Variants in ZNF251 observed in about 807,000 individuals in gnomAD.
ZNF251 encodes zinc finger protein 251.
In ZNF251, 14 loss-of-function variants were observed where a neutral mutation model predicts 13.5. The ratio of observed to expected loss-of-function variants is 1.04; its 90% confidence interval spans 0.69 to 1.63. The LOEUF (loss-of-function observed/expected upper bound fraction) is 1.63. Ranked by LOEUF, ZNF251 falls within the 40% of genes most tolerant of loss-of-function variation. The probability of loss-of-function intolerance (pLI) is 0.00; values close to 1 mark genes in which losing one functional copy is unlikely to be tolerated. For synonymous variants in ZNF251, 287 were observed against 295.2 expected, an observed-to-expected ratio of 0.97 and a Z score of 0.28; for missense variants, 764 against 834.9, an observed-to-expected ratio of 0.92 and a Z score of 1.05.
chr8:144,730,662 A>G (rs1055098091), intron 4 of ZNF251, among the ~76,000 whole-genome samples: 1 of 152,220 alleles, frequency 6.6e-6, no homozygotes, highest in Non-Finnish European at 1.5e-5. Context: ...GCCTGGATAC[A>G]AAGTCCACAT....
At position 144,722,572 on chromosome 8, in the gene ZNF251, C is replaced by CT; in HGVS notation, c.1087dup (p.Ser363LysfsTer6). On this transcript the variant is annotated frameshift_variant, in exon 5 of 5. Coordinates refer to ENST00000292562, the MANE Select transcript of ZNF251 (RefSeq NM_138367.2). LOFTEE classifies it low-confidence loss of function (END_TRUNC). This position sits in a 1 kb window ranked among gnomAD's most constrained non-coding sequence, Gnocchi z 4.8. ...GTGAATTCTCTCATGCTGAATAAGG[C>CT]TGGAGCTTCGACTGAAGGCCTTCCC... is the stretch of plus-strand genomic sequence containing the variant. 1.2e-6 allele frequency: 2 copies of CT among 1,613,214 alleles called. No individual in the cohort carries two copies. Among genetic ancestry groups the CT allele is most frequent in the Non-Finnish European group, 1.7e-6 (2 of 1,179,780 alleles).
intron 4 of ZNF251, among the ~76,000 whole-genome samples, chr8:144,749,865 TTTTTC>T (rs1348383563): frequency 1.3e-4 from 19 of 146,696 alleles, no homozygotes; most frequent in African/African-American, 3.4e-4. Context: ...TTAAAATTTC[TTTTTC>T]TTTTCTTTTT....
chr8:144,731,470 TTTATA>T (rs1372653775), intron 4 of ZNF251, among the ~76,000 whole-genome samples: 1 of 152,250 alleles, frequency 6.6e-6, no homozygotes, highest in African/African-American at 2.4e-5. Context: ...GTGCATTTCA[TTTATA>T]TAATTTTCAC....
At chr8:144,740,318 CAAAATG>C (rs1436635948) in intron 4 of ZNF251, among the ~76,000 whole-genome samples, 1 of 151,440 alleles carries the variant, frequency 6.6e-6, no homozygotes, top group Admixed American at 6.6e-5. Context: ...TACAAACAAG[CAAAATG>C]AAGTTTTGTT....
intron 4 of ZNF251, among the ~76,000 whole-genome samples, chr8:144,751,974 T>C (rs1226197437): frequency 6.6e-6 from 1 of 152,100 alleles, no homozygotes; most frequent in Non-Finnish European, 1.5e-5. Flanking sequence ...GGAATTCTCT[T>C]ATCTCTCATA....
At chr8:144,746,580 A>G (rs1824440944) in intron 4 of ZNF251, among the ~76,000 whole-genome samples, 2 of 152,146 alleles carry the variant, frequency 1.3e-5, no homozygotes, top group Admixed American at 1.3e-4. Context: ...TCTTCCTTAA[A>G]TGTTTGGTAG....
chr8:144,748,185 T>C (rs996160161), intron 4 of ZNF251, among the ~76,000 whole-genome samples: 1 of 151,932 alleles, frequency 6.6e-6, no homozygotes, highest in African/African-American at 2.4e-5. Flanking sequence ...GTGATTCTCC[T>C]GTCTTAGTCT....
chr8:144,739,160 G>A (rs1479299881), intron 4 of ZNF251, among the ~76,000 whole-genome samples: 1 of 149,776 alleles, frequency 6.7e-6, no homozygotes, highest in African/African-American at 2.5e-5. Flanking sequence ...CACAAATCAC[G>A]ACTCCACTCC....
intron 4 of ZNF251, chr8:144,738,572 CCAAT>C: frequency 1.0e-6 from 1 of 985,454 alleles, no homozygotes. Flanking sequence ...TGTTGGAGGA[CCAAT>C]CAGTCAAATT....
intron 4 of ZNF251, among the ~76,000 whole-genome samples, chr8:144,750,821 G>A (rs1285586155): frequency 1.4e-5 from 2 of 145,872 alleles, no homozygotes; most frequent in Non-Finnish European, 3.0e-5. Context: ...GTGATTCTTT[G>A]TATCTGCCTG....
At chr8:144,727,519 T>C (rs1823552868) in intron 4 of ZNF251, among the ~76,000 whole-genome samples, 1 of 152,258 alleles carries the variant, frequency 6.6e-6, no homozygotes, top group Non-Finnish European at 1.5e-5. Flanking sequence ...CTTGTGCTTT[T>C]GTTATGGAGA....
Position 144,734,556 on chromosome 8 carries a change from C to T in ZNF251, c.278-11174G>A, listed in dbSNP as rs1040111166. Among the ~76,000 whole-genome samples the T allele has an allele frequency of 6.6e-6, 1 of 152,166 alleles. No homozygotes were observed. The highest frequency in any genetic ancestry group is 2.4e-5 in the African/African-American group (1 of 41,446). ...TGGGGCCTGGGGGCCAACCCTGACA[C>T]CAGAAAATGACGGCGCTGGTGGGTG... On this transcript the variant is annotated intron_variant, in intron 4 of 4. Transcript: ENST00000292562. This position sits in a 1 kb window ranked among gnomAD's most constrained non-coding sequence, Gnocchi z 4.4.
At position 144,755,165 on chromosome 8, in the gene ZNF251, G is replaced by C. The variant is rs1824900398; in HGVS notation, c.-76+240C>G. Reference sequence around the variant, plus strand: ...GCTGAGGACGTGAGAAGGAGGCCGCGGGGATGCTGCCGAAGGCCCCAGGCT... The same window carrying C: ...GCTGAGGACGTGAGAAGGAGGCCGCCGGGATGCTGCCGAAGGCCCCAGGCT... On this transcript the variant is annotated intron_variant, in intron 1 of 4. Transcript: ENST00000292562. The C allele has an allele frequency of 1.9e-5, 22 of 1,178,522 alleles. No homozygotes were observed. The South Asian group carries it at 3.4e-4, about 18-fold the overall frequency. The allele number at this position is 1,178,522 out of a possible 1,614,324, so 73.0% of individuals were successfully genotyped here. A position where few individuals can be genotyped will look rare whatever the true frequency, so the allele number is the denominator to read the frequency against.
At chr8:144,732,616 T>C (rs375925234) in intron 4 of ZNF251, among the ~76,000 whole-genome samples, 17 of 150,448 alleles carry the variant, frequency 1.1e-4, no homozygotes, top group Admixed American at 8.0e-4. Context: ...ATGGAGACCA[T>C]CCTGGCCAAC....
In ZNF251 at chr8:144,722,576, A is replaced by G; in HGVS notation, c.1084T>C (p.Ser362Pro). Residue 362 changes from serine (S) to proline (P), a missense_variant, in exon 5 of 5, where the codon TCC (serine) becomes CCC (proline). Ser to Pro is a moderately conservative substitution (Grantham distance 74). Coordinates refer to ENST00000292562, the MANE Select transcript of ZNF251 (RefSeq NM_138367.2). The surrounding 1 kb of genome is among the most constrained non-coding windows in gnomAD (Gnocchi z 4.8). ...ATTCTCTCATGCTGAATAAGGCTGG[A>G]GCTTCGACTGAAGGCCTTCCCACAG... ...SHCGKAFSRS[S>P]SLIQHERIHT... 2 of 1,613,988 alleles carry G rather than the reference A, an allele frequency of 1.2e-6. No individual in the cohort carries two copies. Among genetic ancestry groups the G allele is most frequent in the South Asian group, 2.2e-5 (2 of 91,068 alleles).
chr8:144,723,682 C>G (rs370623340), intron 4 of ZNF251, among the ~76,000 whole-genome samples: 17 of 152,170 alleles, frequency 1.1e-4, no homozygotes, highest in Admixed American at 1.1e-3. Context: ...AAGGAATATA[C>G]AGGAAGGTAA....
chr8:144,753,507 G>T, intron 4 of ZNF251, 176 bp downstream of exon 4: 1 of 561,636 alleles, frequency 1.8e-6, no homozygotes, highest in Admixed American at 3.3e-5. Context: ...AGACCAGCAA[G>T]ATAAAACTTC....
At position 144,753,810 on chromosome 8, in the gene ZNF251, G is replaced by A. The variant is rs1480556041; in HGVS notation, c.164-14C>T. ...GGACAGGGAATCCTGTTGAGGATGA[G>A]GACACTGGTGAGCTGGCATGGCCCA... On this transcript the variant is annotated splice_polypyrimidine_tract_variant and intron_variant, in intron 3 of 4. Coordinates refer to ENST00000292562, the MANE Select transcript of ZNF251 (RefSeq NM_138367.2). 6.4e-7 allele frequency: 1 copy of A among 1,552,512 alleles called. No individual in the cohort carries two copies. Among genetic ancestry groups the A allele is most frequent in the South Asian group, 1.2e-5 (1 of 84,288 alleles).
chr8:144,741,910 T>C (rs922851870), intron 4 of ZNF251, among the ~76,000 whole-genome samples: 5 of 152,066 alleles, frequency 3.3e-5, no homozygotes, highest in Non-Finnish European at 7.4e-5. Flanking sequence ...AGAGAGAGAA[T>C]GGTACAGAAA....
Sources: allele counts gnomAD v4.1 joint callset (sites outside exome capture counted in the v4.1 genomes callset), GRCh38; gene constraint gnomAD v4.1.1; non-coding constraint Gnocchi (gnomAD v3.1); transcripts MANE v1.5; gene names NCBI Gene and HGNC (gene_info 2026-07-23, HGNC 2026-07-21).